The following LTBP2 variants were observed in gnomAD, a reference collection of about 807,000 sequenced individuals.
The protein encoded by LTBP2 is latent-transforming growth factor beta-binding protein 2.
In LTBP2, 103 loss-of-function variants were observed where a neutral mutation model predicts 210.6. The observed-to-expected ratio is 0.49, with a 90% CI of 0.42 to 0.58. LTBP2 has a LOEUF of 0.58. LTBP2 is among the 20% of genes least tolerant of loss of function. LTBP2 has a pLI of 0.00. For synonymous variants in LTBP2, 1,007 were observed against 1,015.0 expected, an observed-to-expected ratio of 0.99 and a Z score of 0.15; for missense variants, 2,313 against 2,494.5, an observed-to-expected ratio of 0.93 and a Z score of 1.55.
chr14:74,611,815 C>A lies in LTBP2; in HGVS notation c.130G>T (p.Glu44Ter). The change falls in exon 1 of 36, where the codon GAG (glutamate) becomes TAG (stop). Residue 44 changes from glutamate (E) to a stop codon, truncating the protein, a stop_gained. Transcript: ENST00000261978. LOFTEE classifies it high-confidence loss of function. ...HAQRDPVGRYEPAGGDANRLR... is the reference protein window; with the variant it reads ...HAQRDPVGRY ...CGATTCGCGTCTCCACCAGCCGGCTCGTATCTCCCTACGGGGTCCCTTTGG... is the reference window on the plus strand; with the variant it reads ...CGATTCGCGTCTCCACCAGCCGGCTAGTATCTCCCTACGGGGTCCCTTTGG... The A allele has an allele frequency of 6.2e-7, 1 of 1,611,758 alleles. No homozygotes were observed. The highest frequency in any genetic ancestry group is 8.5e-7 in the Non-Finnish European group (1 of 1,179,652).
At chr14:74,542,684 G>A (rs1339984228) in intron 8 of LTBP2, among the ~76,000 whole-genome samples, 1 of 152,132 alleles carries the variant, frequency 6.6e-6, no homozygotes, top group Non-Finnish European at 1.5e-5. Flanking sequence ...TGCAGGTGCT[G>A]GGGCAGCCAG....
At position 74,611,692 on chromosome 14, in the gene LTBP2, C is replaced by T. The variant is rs768818252; in HGVS notation, c.253G>A (p.Val85Met). 43 of 1,580,956 alleles carry T rather than the reference C, an allele frequency of 2.7e-5. No individual in the cohort carries two copies. The African/African-American group carries it at 5.4e-4, about 20-fold the overall frequency. ...QDAPVAGLQPVERAQPGWGSP... is the reference protein window; with the variant it reads ...QDAPVAGLQPMERAQPGWGSP... ...CCCCAGCCCGGCTGGGCCCGCTCCA[C>T]GGGCTGCAAGCCCGCGACAGGCGCG... is the stretch of plus-strand genomic sequence containing the variant. The change falls in exon 1 of 36, where the codon GTG becomes ATG. Residue 85 changes from valine to methionine, a missense_variant. Physicochemically the swap from Val to Met is conservative, Grantham distance 21. Transcript: ENST00000261978.
At chr14:74,503,872 G>A in intron 31 of LTBP2, 54 bp downstream of exon 31, 2 of 1,609,220 alleles carry the variant, frequency 1.2e-6, no homozygotes, top group Non-Finnish European at 1.7e-6. Context: ...GGCTGGGTGG[G>A]CCATTATTCA....
At chr14:74,601,384 A>C (rs373292935) in intron 2 of LTBP2, among the ~76,000 whole-genome samples, 5 of 152,188 alleles carry the variant, frequency 3.3e-5, no homozygotes, top group African/African-American at 1.2e-4. Context: ...TGTCTCTACA[A>C]AAAATTAATT....
intron 3 of LTBP2, among the ~76,000 whole-genome samples, chr14:74,560,734 G>A (rs546591729): frequency 7.6e-4 from 115 of 151,822 alleles, no homozygotes; most frequent in African/African-American, 2.7e-3. Context: ...ATATTTGGGG[G>A]GAAAACCCCC....
chr14:74,536,885 C>T (rs1371184010), intron 8 of LTBP2, among the ~76,000 whole-genome samples: 1 of 152,106 alleles, frequency 6.6e-6, no homozygotes, highest in Non-Finnish European at 1.5e-5. Flanking sequence ...CAAATATATA[C>T]AATTTTTATT....
chr14:74,571,026 T>A (rs190473459), intron 3 of LTBP2, among the ~76,000 whole-genome samples: 1 of 151,280 alleles, frequency 6.6e-6, no homozygotes, highest in Admixed American at 6.6e-5. Flanking sequence ...AAACCACTTT[T>A]CTTTATATTA....
At chr14:74,602,297 A>G (rs2088459268) in intron 2 of LTBP2, among the ~76,000 whole-genome samples, 1 of 152,232 alleles carries the variant, frequency 6.6e-6, no homozygotes, top group Non-Finnish European at 1.5e-5. Context: ...TCATAAGATG[A>G]TTGACAGGTC....
At chr14:74,521,860 C>T (rs2087207027) in intron 17 of LTBP2, 51 bp downstream of exon 17, 2 of 1,610,720 alleles carry the variant, frequency 1.2e-6, no homozygotes, top group African/African-American at 2.7e-5. Context: ...TCCTCTTCCA[C>T]CCCCTCAAGA....
chr14:74,551,021 A>G (rs1389990544), intron 7 of LTBP2, 43 bp downstream of exon 7: 1 of 1,610,558 alleles, frequency 6.2e-7, no homozygotes, highest in African/African-American at 1.3e-5. Flanking sequence ...GACAACTGCC[A>G]TCCTGGAAGC....
At chr14:74,560,415 G>A (rs933710600) in intron 3 of LTBP2, among the ~76,000 whole-genome samples, 1 of 152,198 alleles carries the variant, frequency 6.6e-6, no homozygotes. Flanking sequence ...ACCAAGATGA[G>A]GAAAAATTCT....
At chr14:74,602,512 C>T (rs2088462495) in intron 2 of LTBP2, among the ~76,000 whole-genome samples, 1 of 152,204 alleles carries the variant, frequency 6.6e-6, no homozygotes, top group Admixed American at 6.5e-5. Context: ...ACCCTGGTGT[C>T]AGGTTGTCTG....
At chr14:74,510,965 C>A (rs535526793) in intron 19 of LTBP2, among the ~76,000 whole-genome samples, 2 of 152,342 alleles carry the variant, frequency 1.3e-5, no homozygotes, top group African/African-American at 2.4e-5. Flanking sequence ...AGGCTCCTCG[C>A]TCCACCACAG....
intron 13 of LTBP2, among the ~76,000 whole-genome samples, chr14:74,526,746 G>T (rs919590392): frequency 7.9e-5 from 12 of 152,192 alleles, no homozygotes; most frequent in Admixed American, 3.3e-4. Flanking sequence ...GGCTGGAGGG[G>T]CAGGGGACAG....
At chr14:74,610,143 G>C in intron 1 of LTBP2, among the ~76,000 whole-genome samples, 1 of 152,248 alleles carries the variant, frequency 6.6e-6, no homozygotes, top group East Asian at 1.9e-4. Flanking sequence ...ACACAACGAA[G>C]TCCCTGTTTG....
rs140719298 is a variant in LTBP2 at position 74,522,908 on chromosome 14, T to C, written c.2541A>G (p.Arg847=). Reference sequence around the variant, plus strand: ...AGACGTTGGTGGCTCCAGCAGCGCATCTGTCAATGCCTGTGGGAGACAGAG... The same window carrying C: ...AGACGTTGGTGGCTCCAGCAGCGCACCTGTCAATGCCTGTGGGAGACAGAG... The part of the protein sequence containing the change: ...LVTLSTPGID[R]CAAGATNVCG... Residue 847 remains arginine (R), a synonymous_variant, in exon 16 of 36, where the codon AGA becomes AGG. Transcript: ENST00000261978. 1,052 of 1,612,060 alleles carry C rather than the reference T, an allele frequency of 6.5e-4. No homozygotes were observed. Among genetic ancestry groups the C allele is most frequent in the Non-Finnish European group, 7.8e-4 (919 of 1,179,474 alleles).
chr14:74,590,374 A>C (rs567745365), intron 2 of LTBP2, among the ~76,000 whole-genome samples: 28 of 152,228 alleles, frequency 1.8e-4, no homozygotes, highest in Non-Finnish European at 3.4e-4. Context: ...TTGCAAAGAT[A>C]TGGAACCAAC....
At chr14:74,602,121 G>A (rs572592977) in intron 2 of LTBP2, among the ~76,000 whole-genome samples, 13 of 152,354 alleles carry the variant, frequency 8.5e-5, no homozygotes, top group African/African-American at 2.6e-4. Flanking sequence ...CGCTGGTGTC[G>A]GGAGTGAACG....
At position 74,540,845 on chromosome 14, in the gene LTBP2, AT is replaced by A. The variant is rs2087491984; in HGVS notation, c.1790-4846del. Reference sequence around the variant, plus strand: ...ATTTTTATATAATATATATTTATATATATTATATATATTATATATATTTATA... The same window carrying A: ...ATTTTTATATAATATATATTTATATAATTATATATATTATATATATTTATA... On this transcript the variant is annotated intron_variant, in intron 8 of 35. Coordinates refer to ENST00000261978, the MANE Select transcript of LTBP2 (RefSeq NM_000428.3). Among the ~76,000 whole-genome samples, 3 of 31,474 alleles carry A rather than the reference AT, an allele frequency of 9.5e-5. 1 individual carries two copies. Among genetic ancestry groups the A allele is most frequent in the Non-Finnish European group, 3.1e-4 (3 of 9,532 alleles). 20.6% of individuals were successfully genotyped at this position (31,474 alleles called of 152,430 possible).
Sources: allele counts gnomAD v4.1 joint callset (sites outside exome capture counted in the v4.1 genomes callset), GRCh38; gene constraint gnomAD v4.1.1; transcripts MANE v1.5; gene names NCBI Gene and HGNC (gene_info 2026-07-23, HGNC 2026-07-21).